The following WDR49 variants were observed in gnomAD, a reference collection of about 807,000 sequenced individuals.
The protein encoded by WDR49 is cilia- and flagella-associated protein 337.
A neutral mutation model predicts 119.5 loss-of-function variants in WDR49; 107 were observed. The observed-to-expected ratio is 0.90, with a 90% confidence interval of 0.77 to 1.05. The LOEUF is 1.05. WDR49 is among the 50% of genes least tolerant of loss of function. The probability of loss-of-function intolerance (pLI) is 0.00; values close to 1 mark genes in which losing one functional copy is unlikely to be tolerated. For missense variants in WDR49, 1,240 were observed against 1,220.5 expected (o/e 1.02, Z -0.24); for synonymous variants, 425 against 418.8 (o/e 1.01, Z -0.18).
intron 17 of WDR49, 39 bp from the exon 18 acceptor site, chr3:167,500,338 A>G: frequency 6.2e-7 from 1 of 1,600,416 alleles, no homozygotes; most frequent in Non-Finnish European, 8.5e-7. Context: ...CAGGGAGAAA[A>G]AGGGTACAAT....
chr3:167,651,721 G>A (rs1032677906), intron 2 of WDR49, among the ~76,000 whole-genome samples: 18 of 151,758 alleles, frequency 1.2e-4, no homozygotes, highest in African/African-American at 4.4e-4. Flanking sequence ...TTTTCCAACC[G>A]GTAATGTCAA....
chr3:167,580,774 C>T (rs1295667433), intron 7 of WDR49, among the ~76,000 whole-genome samples: 2 of 152,090 alleles, frequency 1.3e-5, no homozygotes, highest in Non-Finnish European at 2.9e-5. Context: ...TGCGTTCTCA[C>T]CTTCTTTTAT....
intron 8 of WDR49, chr3:167,575,159 A>C (rs758920262): frequency 1.2e-4 from 117 of 985,204 alleles, no homozygotes; most frequent in Non-Finnish European, 1.3e-4. Context: ...TGCTGTTACC[A>C]TCAGGCCTGA....
chr3:167,543,567 A>G (rs1711973616), intron 10 of WDR49, among the ~76,000 whole-genome samples: 1 of 152,140 alleles, frequency 6.6e-6, no homozygotes, highest in Non-Finnish European at 1.5e-5. Flanking sequence ...AGATGCAGAA[A>G]AGACATTTGA....
chr3:167,518,373 C>A (rs1366221866), intron 16 of WDR49, among the ~76,000 whole-genome samples: 2 of 152,064 alleles, frequency 1.3e-5, no homozygotes, highest in Non-Finnish European at 2.9e-5. Flanking sequence ...GTTCCTATTT[C>A]TCCACATCCT....
At chr3:167,601,988 G>A (rs1715792410) in intron 7 of WDR49, 139 bp downstream of exon 7, 14 of 1,098,400 alleles carry the variant, frequency 1.3e-5, no homozygotes, top group Non-Finnish European at 1.6e-5. Flanking sequence ...TCCAAATATA[G>A]ACTTCCAAAA....
chr3:167,566,131 T>C (rs986787567), intron 8 of WDR49, among the ~76,000 whole-genome samples: 3 of 152,176 alleles, frequency 2.0e-5, no homozygotes, highest in Non-Finnish European at 4.4e-5. Context: ...GCTGAGGAAA[T>C]GGTCCTCTCC....
intron 18 of WDR49, among the ~76,000 whole-genome samples, chr3:167,479,715 A>C (rs1750626025): frequency 1.3e-5 from 2 of 152,208 alleles, no homozygotes; most frequent in African/African-American, 4.8e-5. Flanking sequence ...ATAAGATATC[A>C]TTCCAAGAGA....
chr3:167,554,615 G>T (rs1312365493), intron 10 of WDR49, 35 bp downstream of exon 10: 2 of 1,335,708 alleles, frequency 1.5e-6, no homozygotes, highest in Admixed American at 2.3e-5. Context: ...TTTTCTTTTA[G>T]ATTTTGATTA....
chr3:167,487,598 C>G (rs1409401077), intron 18 of WDR49, among the ~76,000 whole-genome samples: 3 of 152,086 alleles, frequency 2.0e-5, no homozygotes, highest in Non-Finnish European at 4.4e-5. Context: ...AGACAACGTA[C>G]AGAACGGGAG....
chr3:167,583,015 GAGAA>G (rs1310567073), intron 7 of WDR49, among the ~76,000 whole-genome samples: 3 of 151,530 alleles, frequency 2.0e-5, no homozygotes, highest in African/African-American at 7.3e-5. Flanking sequence ...GAGAGAGAGA[GAGAA>G]AAACAAATTT....
At chr3:167,585,309 T>A (rs1458519781) in intron 7 of WDR49, among the ~76,000 whole-genome samples, 2 of 152,056 alleles carry the variant, frequency 1.3e-5, no homozygotes, top group African/African-American at 4.8e-5. Flanking sequence ...AGGCAATATT[T>A]ATGTAAAGCC....
intron 2 of WDR49, among the ~76,000 whole-genome samples, chr3:167,652,037 G>A (rs1718408383): frequency 6.6e-6 from 1 of 152,198 alleles, no homozygotes. Flanking sequence ...TCCTCAAGCT[G>A]TCAAAATGTT....
In WDR49 at chr3:167,521,829, C is replaced by T. The variant is rs561697541; in HGVS notation, c.2774+486G>A. On this transcript the variant is annotated intron_variant, in intron 16 of 18. Transcript: ENST00000682715. ...TAGCAGAGTGATGTGAAGAGAAGAA[C>T]GTCTGAGCAACATAGAGAGACGAGA... Among the ~76,000 whole-genome samples the T allele has an allele frequency of 3.4e-4, 52 of 152,170 alleles. 1 individual carries two copies. In the South Asian group the frequency reaches 9.1e-3, roughly 27 times the overall value.
chr3:167,530,602 G>A (rs1218246637), intron 13 of WDR49, among the ~76,000 whole-genome samples: 1 of 151,694 alleles, frequency 6.6e-6, no homozygotes, highest in African/African-American at 2.4e-5. Flanking sequence ...GAACAGAGAA[G>A]AGAGCAGGCA....
intron 2 of WDR49, among the ~76,000 whole-genome samples, chr3:167,649,144 C>A (rs533286595): frequency 4.6e-5 from 7 of 151,944 alleles, no homozygotes; most frequent in South Asian, 2.1e-4. Context: ...GGTAGAAAGG[C>A]AAGAAGGAAG....
chr3:167,533,788 T>C (rs1752928226), intron 11 of WDR49, among the ~76,000 whole-genome samples: 1 of 152,052 alleles, frequency 6.6e-6, no homozygotes, highest in African/African-American at 2.4e-5. Flanking sequence ...TTGTTCTCAG[T>C]GGCTCAGTGA....
At chr3:167,534,884 G>C (rs567794810) in intron 11 of WDR49, among the ~76,000 whole-genome samples, 2 of 152,288 alleles carry the variant, frequency 1.3e-5, no homozygotes, top group African/African-American at 4.8e-5. Context: ...TTATGCCAAA[G>C]AGTTACTATG....
intron 9 of WDR49, among the ~76,000 whole-genome samples, chr3:167,556,748 C>T (rs891621805): frequency 4.6e-5 from 7 of 151,730 alleles, no homozygotes; most frequent in African/African-American, 1.5e-4. Flanking sequence ...TAGGCAGGGC[C>T]GGATTCAGTG....
Sources: gnomAD v4.1 joint callset for allele counts (sites outside exome capture counted in the v4.1 genomes callset) on GRCh38, gnomAD v4.1.1 for gene constraint, MANE v1.5 for transcripts, NCBI Gene and HGNC (gene_info 2026-07-23, HGNC 2026-07-21) for gene names.